The following CDH12 variants were observed in gnomAD, a reference collection of about 807,000 sequenced individuals.
CDH12 encodes the protein cadherin-12.
In CDH12, 41 loss-of-function variants were observed where a neutral mutation model predicts 74.1. That is an observed-to-expected ratio of 0.55 (90% confidence interval 0.43 to 0.72). CDH12 has a LOEUF of 0.72. Ranked by LOEUF, CDH12 falls within the 30% of genes least tolerant of loss-of-function variation. The pLI is 0.00. For missense variants in CDH12, 945 were observed against 977.2 expected (o/e 0.97, Z 0.44); for synonymous variants, 399 against 355.0 (o/e 1.12, Z -1.39).
At chr5:22,561,904 CT>C (rs1388027638) in intron 1 of CDH12, among the ~76,000 whole-genome samples, 1 of 152,112 alleles carries the variant, frequency 6.6e-6, no homozygotes, top group Non-Finnish European at 1.5e-5. Flanking sequence ...AAATAGAAAC[CT>C]TTTTTTGGAT....
intron 1 of CDH12, among the ~76,000 whole-genome samples, chr5:22,789,962 T>C (rs1475515076): frequency 6.6e-6 from 1 of 151,974 alleles, no homozygotes; most frequent in African/African-American, 2.4e-5. Flanking sequence ...TTATCAAGGA[T>C]TTAGGAATAA....
intron 1 of CDH12, among the ~76,000 whole-genome samples, chr5:22,848,420 C>A (rs1256106374): frequency 6.6e-6 from 1 of 152,066 alleles, no homozygotes; most frequent in East Asian, 1.9e-4. Context: ...ACAGTGTAAC[C>A]ATCTTGCAAG....
Position 21,945,984 on chromosome 5 carries a change from G to A in CDH12, c.526+29107C>T, listed in dbSNP as rs532937057. 3.2e-4 allele frequency among the ~76,000 whole-genome samples: 47 copies of A among 146,684 alleles called. No homozygotes were observed. The East Asian group carries it at 9.0e-3, about 28-fold the overall frequency. On this transcript the variant is annotated intron_variant, in intron 6 of 14. Coordinates refer to ENST00000382254, the MANE Select transcript of CDH12 (RefSeq NM_004061.5). ...CCAAATACATTCAATTTCTGGAAAT[G>A]AAAAAAAAAAATTAAAAATCTTGAA...
chr5:22,477,302 C>G (rs925414607), intron 2 of CDH12, among the ~76,000 whole-genome samples: 1 of 152,142 alleles, frequency 6.6e-6, no homozygotes, highest in Non-Finnish European at 1.5e-5. Context: ...ATGTTCTCAT[C>G]ATTTAGCCCC....
chr5:21,880,612 C>CTCTCTTTCTTTCTTTCTTTCTTTCTTTCT (rs1561268318), intron 6 of CDH12, among the ~76,000 whole-genome samples: 2 of 69,872 alleles, frequency 2.9e-5, no homozygotes, highest in African/African-American at 1.3e-4. Flanking sequence ...TCCTTCCTTC[C>CTCTCTTTCTTTCTTTCTTTCTTTCTTTCT]TTCCTTCTTT....
At chr5:22,755,138 G>GT (rs1393190263) in intron 1 of CDH12, among the ~76,000 whole-genome samples, 1 of 151,914 alleles carries the variant, frequency 6.6e-6, no homozygotes, top group African/African-American at 2.4e-5. Flanking sequence ...CTTTAAATTG[G>GT]TTTTATCTAT....
At chr5:22,314,941 CTTTTTTTTTTT>C (rs759734847) in intron 3 of CDH12, among the ~76,000 whole-genome samples, 1,065 of 67,730 alleles carry the variant, frequency 0.016, 11 homozygotes, top group East Asian at 0.024. Flanking sequence ...CTGGGTTGGT[CTTTTTTTTTTT>C]TTTTTTTTTT....
chr5:22,635,210 AT>A (rs1580837539), intron 1 of CDH12, among the ~76,000 whole-genome samples: 1 of 152,172 alleles, frequency 6.6e-6, no homozygotes, highest in East Asian at 1.9e-4. Context: ...TGTTTATCCA[AT>A]TTTGACAAGA....
At chr5:22,417,246 C>A (rs1445829890) in intron 2 of CDH12, among the ~76,000 whole-genome samples, 1 of 152,104 alleles carries the variant, frequency 6.6e-6, no homozygotes, top group Non-Finnish European at 1.5e-5. Flanking sequence ...TTCAATGGGT[C>A]CACTAAAGTT....
chr5:22,590,064 G>A (rs530784920), intron 1 of CDH12, among the ~76,000 whole-genome samples: 4 of 152,118 alleles, frequency 2.6e-5, no homozygotes, highest in African/African-American at 4.8e-5. Flanking sequence ...GTACTATCTC[G>A]ACAATTTTCT....
chr5:22,667,170 TTTC>T (rs3071772), intron 1 of CDH12, among the ~76,000 whole-genome samples: 17,820 of 152,108 alleles, frequency 0.12, 1,352 homozygotes, highest in Admixed American at 0.2. Context: ...GGTCCCCAAA[TTTC>T]TTCTTTTTTC....
At chr5:22,801,729 A>G (rs1279717638) in intron 1 of CDH12, among the ~76,000 whole-genome samples, 2 of 146,106 alleles carry the variant, frequency 1.4e-5, no homozygotes, top group Admixed American at 6.9e-5. Context: ...TAAATGTTAT[A>G]TCTGTCTTCA....
intron 1 of CDH12, among the ~76,000 whole-genome samples, chr5:22,542,608 G>A (rs955655659): frequency 8.5e-5 from 13 of 152,096 alleles, no homozygotes; most frequent in East Asian, 1.9e-4. Context: ...CTGACAGTTC[G>A]TGTTTATCAC....
chr5:21,846,128 C>T (rs1387224614), intron 7 of CDH12, among the ~76,000 whole-genome samples: 1 of 152,106 alleles, frequency 6.6e-6, no homozygotes, highest in Non-Finnish European at 1.5e-5. Flanking sequence ...GGTGGTATGG[C>T]CAGATTTTCA....
chr5:22,545,374 A>C (rs1423121526), intron 1 of CDH12, among the ~76,000 whole-genome samples: 1 of 152,216 alleles, frequency 6.6e-6, no homozygotes, highest in Non-Finnish European at 1.5e-5. Flanking sequence ...TGCTTTTGCC[A>C]CTTCAAGCCA....
chr5:22,689,619 A>AG (rs1001013759), intron 1 of CDH12, among the ~76,000 whole-genome samples: 12 of 151,848 alleles, frequency 7.9e-5, no homozygotes, highest in African/African-American at 2.9e-4. Flanking sequence ...TAAAACAGGA[A>AG]AAAAAGGAGA....
In CDH12 at chr5:21,924,741, T is replaced by C. The variant is rs528598956; in HGVS notation, c.526+50350A>G. Among the ~76,000 whole-genome samples the C allele has an allele frequency of 6.6e-5, 10 of 152,308 alleles. No individual in the cohort carries two copies. The South Asian group carries it at 2.1e-3, about 32-fold the overall frequency. Reference sequence around the variant, plus strand: ...ACAATGTAAGAATCTACTGACTTTCTCTTTTGTGGCTTACGGTTGAGGTGA... The same window carrying C: ...ACAATGTAAGAATCTACTGACTTTCCCTTTTGTGGCTTACGGTTGAGGTGA... On this transcript the variant is annotated intron_variant, in intron 6 of 14. Coordinates refer to ENST00000382254, the MANE Select transcript of CDH12 (RefSeq NM_004061.5).
At position 22,285,100 on chromosome 5, in the gene CDH12, T is replaced by A. The variant is rs192766448; in HGVS notation, c.-332-72457A>T. Among the ~76,000 whole-genome samples the A allele has an allele frequency of 6.6e-5, 10 of 152,162 alleles. No homozygotes were observed. The East Asian group carries it at 1.9e-3, about 29-fold the overall frequency. On this transcript the variant is annotated intron_variant, in intron 3 of 14. Coordinates refer to ENST00000382254, the MANE Select transcript of CDH12 (RefSeq NM_004061.5). ...CTTACAAATTCATGGAATAAAACAA[T>A]CAAAAAATTAATTAGTCTTTACTCA... is the stretch of plus-strand genomic sequence containing the variant.
intron 1 of CDH12, among the ~76,000 whole-genome samples, chr5:22,816,004 C>T (rs1026867998): frequency 2.6e-5 from 4 of 151,946 alleles, no homozygotes; most frequent in African/African-American, 4.8e-5. Context: ...GTGGCTAGAG[C>T]TTAGGGCAGA....
Sources: allele counts gnomAD v4.1 joint callset (sites outside exome capture counted in the v4.1 genomes callset), GRCh38; gene constraint gnomAD v4.1.1; transcripts MANE v1.5; gene names NCBI Gene and HGNC (gene_info 2026-07-23, HGNC 2026-07-21).